CADM2: variants seen among roughly 807,000 people sequenced by gnomAD.
The protein encoded by CADM2 is immunoglobulin superfamily member 4D.
In CADM2, 12 loss-of-function variants were observed where a neutral mutation model predicts 49.8. That is an observed-to-expected ratio of 0.24 (90% CI 0.15 to 0.39). The LOEUF is 0.39. CADM2 is among the 10% of genes least tolerant of loss of function. The probability of loss-of-function intolerance (pLI) is 1.00; values close to 1 mark genes in which losing one functional copy is unlikely to be tolerated. For synonymous variants in CADM2, 214 were observed against 175.4 expected (o/e 1.22, Z -1.74); for missense variants, 378 against 492.3 (o/e 0.77, Z 2.20).
intron 8 of CADM2, among the ~76,000 whole-genome samples, chr3:86,020,686 C>T (rs1163590988): frequency 4.6e-5 from 7 of 152,116 alleles, no homozygotes; most frequent in Non-Finnish European, 7.4e-5. Context: ...GTTCAATATA[C>T]GCAAATCAAT....
intron 6 of CADM2, among the ~76,000 whole-genome samples, chr3:85,917,571 C>A (rs1228841203): frequency 6.6e-6 from 1 of 152,084 alleles, no homozygotes; most frequent in Non-Finnish European, 1.5e-5. Context: ...GTTACTGTAG[C>A]CTTGTAGTAT....
At chr3:85,995,282 C>G (rs1463192574) in intron 8 of CADM2, among the ~76,000 whole-genome samples, 2 of 151,976 alleles carry the variant, frequency 1.3e-5, no homozygotes, top group Non-Finnish European at 2.9e-5. Flanking sequence ...TTGGAATGTT[C>G]TCTTTTAAAA....
At chr3:85,352,247 G>T (rs951861300) in intron 1 of CADM2, among the ~76,000 whole-genome samples, 2 of 152,018 alleles carry the variant, frequency 1.3e-5, no homozygotes, top group Non-Finnish European at 2.9e-5. Context: ...TACCGATTGT[G>T]TTGTCATCTT....
At chr3:85,222,279 C>A (rs1449450862) in intron 1 of CADM2, among the ~76,000 whole-genome samples, 2 of 152,122 alleles carry the variant, frequency 1.3e-5, no homozygotes, top group Non-Finnish European at 2.9e-5. Flanking sequence ...GGTGTTGAGA[C>A]CTCATTTCTC....
At chr3:85,751,969 T>A (rs535916071) in intron 2 of CADM2, among the ~76,000 whole-genome samples, 4 of 152,138 alleles carry the variant, frequency 2.6e-5, no homozygotes, top group African/African-American at 9.6e-5. Context: ...TGATTTTAGA[T>A]GAAATGAATC....
At chr3:85,930,938 G>GTTAA (rs199889714) in intron 6 of CADM2, among the ~76,000 whole-genome samples, 2 of 149,754 alleles carry the variant, frequency 1.3e-5, no homozygotes, top group African/African-American at 2.4e-5. Context: ...ATAATTAAAT[G>GTTAA]TTAATTAATT....
chr3:86,005,474 C>G (rs541799295), intron 8 of CADM2, among the ~76,000 whole-genome samples: 27 of 151,654 alleles, frequency 1.8e-4, no homozygotes, highest in African/African-American at 6.5e-4. Context: ...TTGCTGGAAC[C>G]CAGGAGGCAG....
intron 8 of CADM2, among the ~76,000 whole-genome samples, chr3:86,042,981 C>T (rs2107259785): frequency 6.6e-6 from 1 of 152,256 alleles, no homozygotes; most frequent in East Asian, 1.9e-4. Flanking sequence ...ACAAAAACCA[C>T]TTGATTACCT....
intron 1 of CADM2, among the ~76,000 whole-genome samples, chr3:85,034,478 T>C (rs2035123693): frequency 6.6e-6 from 1 of 152,190 alleles, no homozygotes; most frequent in Non-Finnish European, 1.5e-5. Flanking sequence ...ATGCACCATA[T>C]TTTCTTTATC....
At chr3:85,006,013 T>C (rs935716217) in intron 1 of CADM2, among the ~76,000 whole-genome samples, 5 of 152,150 alleles carry the variant, frequency 3.3e-5, no homozygotes, top group Non-Finnish European at 7.4e-5. Flanking sequence ...TATGTATAGA[T>C]GTACGGCCAG....
intron 1 of CADM2, among the ~76,000 whole-genome samples, chr3:85,103,936 G>A (rs1005265569): frequency 6.6e-6 from 1 of 152,124 alleles, no homozygotes; most frequent in Non-Finnish European, 1.5e-5. Context: ...TTTTTGAGCA[G>A]GAGGTAATTG....
chr3:86,013,588 C>T (rs1279207879), intron 8 of CADM2: 1 of 1,601,324 alleles, frequency 6.2e-7, no homozygotes, highest in Non-Finnish European at 8.5e-7. Flanking sequence ...CGAGAAGAAA[C>T]TCTCAGGGAA....
chr3:85,950,200 T>G lies in CADM2; in HGVS notation c.792-11269T>G, dbSNP rs145336623. The stretch of plus-strand genomic sequence containing the variant: ...TATACACAGTAGATGAGAGAATGAA[T>G]GCTTACTCAAGATATTTTGATCTTT... On this transcript the variant is annotated intron_variant, in intron 7 of 9. Coordinates refer to ENST00000383699, the MANE Select transcript of CADM2 (RefSeq NM_001167675.2). Among the ~76,000 whole-genome samples the G allele has an allele frequency of 1.1e-3, 171 of 151,370 alleles. 2 individuals are homozygous for G. In the East Asian group the frequency reaches 0.025, roughly 22 times the overall value.
intron 8 of CADM2, chr3:86,013,715 A>G (rs1394798055): frequency 6.3e-7 from 1 of 1,597,494 alleles, no homozygotes; most frequent in Non-Finnish European, 8.6e-7. Flanking sequence ...TAAGAGAGGA[A>G]TTTATAGGTT....
chr3:85,438,443 A>C (rs529553185), intron 1 of CADM2, among the ~76,000 whole-genome samples: 7 of 152,198 alleles, frequency 4.6e-5, no homozygotes, highest in Non-Finnish European at 8.8e-5. Flanking sequence ...CAATAGTCTT[A>C]ACCAAAGTTA....
At chr3:86,015,807 T>C (rs1732151924) in intron 8 of CADM2, among the ~76,000 whole-genome samples, 1 of 152,204 alleles carries the variant, frequency 6.6e-6, no homozygotes, top group South Asian at 2.1e-4. Flanking sequence ...TAAGACGGAA[T>C]CAGAGGCCAT....
At chr3:85,528,336 ATGCACACG>A (rs1303055472) in intron 1 of CADM2, among the ~76,000 whole-genome samples, 4 of 73,172 alleles carry the variant, frequency 5.5e-5, no homozygotes, top group African/African-American at 1.4e-4. Flanking sequence ...GCACACTCAC[ATGCACACG>A]TGCACACATA....
chr3:85,929,209 A>G (rs1166656367), intron 6 of CADM2, among the ~76,000 whole-genome samples: 5 of 152,272 alleles, frequency 3.3e-5, no homozygotes, highest in East Asian at 3.9e-4. Flanking sequence ...ATAGTAGAGC[A>G]GGAATAAATG....
chr3:85,593,284 G>A (rs964700742), intron 1 of CADM2, among the ~76,000 whole-genome samples: 1 of 151,702 alleles, frequency 6.6e-6, no homozygotes, highest in Non-Finnish European at 1.5e-5. Context: ...CCATTAACTC[G>A]TCATCTAGCA....
Sources: allele counts gnomAD v4.1 joint callset (sites outside exome capture counted in the v4.1 genomes callset), GRCh38; gene constraint gnomAD v4.1.1; transcripts MANE v1.5; gene names NCBI Gene and HGNC (gene_info 2026-07-23, HGNC 2026-07-21).